The following MASP1 variants were observed in gnomAD, a reference collection of about 807,000 sequenced individuals.
MASP1 encodes the protein MBL associated serine protease 1, also known as mannan-binding lectin serine protease 1.
Under a neutral mutation model 77.1 loss-of-function variants are expected in MASP1, and 59 were observed. The ratio of observed to expected loss-of-function variants is 0.77; its 90% confidence interval spans 0.62 to 0.95. MASP1 has a LOEUF of 0.95. Among genes scored for constraint, MASP1 ranks in the 40% least tolerant of loss-of-function variants. MASP1 has a pLI of 0.00. For synonymous variants in MASP1, 362 were observed against 354.5 expected (o/e 1.02, Z -0.24); for missense variants, 885 against 912.9 (o/e 0.97, Z 0.39).
At chr3:187,253,403 C>T in intron 5 of MASP1, 88 bp from the exon 6 acceptor site, 3 of 1,378,208 alleles carry the variant, frequency 2.2e-6, no homozygotes, top group Non-Finnish European at 3.1e-6. Context: ...CTCCACTGCA[C>T]TCTGGGTTTT....
intron 13 of MASP1, chr3:187,225,259 A>G (rs778810702): frequency 3.2e-6 from 5 of 1,557,730 alleles, no homozygotes; most frequent in African/African-American, 1.4e-5. Context: ...AGCTTCACCA[A>G]CGTGAAGACG....
intron 2 of MASP1, among the ~76,000 whole-genome samples, chr3:187,275,364 C>T (rs552641716): frequency 1.6e-4 from 25 of 152,262 alleles, no homozygotes; most frequent in South Asian, 4.1e-4. Context: ...TGCCCAGGAC[C>T]TTGCCCTGAC....
rs180850038 is a variant in MASP1, at chr3:187,270,016, C to T, written c.238-7296G>A. Among the ~76,000 whole-genome samples the T allele has an allele frequency of 6.6e-5, 10 of 152,282 alleles. No individual in the cohort carries two copies. The East Asian group carries it at 1.7e-3, about 26-fold the overall frequency. On this transcript the variant is annotated intron_variant, in intron 2 of 10. Transcript: ENST00000296280. ...GCAAAGGACAAGAATTATTTTGTCC[C>T]TAAGATAGATAATAATACATTGTTT...
chr3:187,252,432 A>G (rs1714695398), intron 6 of MASP1, among the ~76,000 whole-genome samples: 1 of 152,132 alleles, frequency 6.6e-6, no homozygotes, highest in African/African-American at 2.4e-5. Flanking sequence ...TGAAAGGCTA[A>G]ATCTGACAGG....
At chr3:187,229,195 C>T (rs1186048425), downstream of MASP1, among the ~76,000 whole-genome samples, 1 of 152,208 alleles carries the variant, frequency 6.6e-6, no homozygotes, top group Non-Finnish European at 1.5e-5. Context: ...ACCCACATTC[C>T]ATTACAAAGG....
At chr3:187,270,163 G>A (rs1430307227) in intron 2 of MASP1, among the ~76,000 whole-genome samples, 1 of 152,184 alleles carries the variant, frequency 6.6e-6, no homozygotes, top group East Asian at 1.9e-4. Context: ...GTTAAAAGCA[G>A]TATACTATTT....
chr3:187,239,752 G>A (rs1341068807), intron 10 of MASP1, among the ~76,000 whole-genome samples: 3 of 152,172 alleles, frequency 2.0e-5, no homozygotes, highest in Non-Finnish European at 4.4e-5. Flanking sequence ...TGGGTGGGAT[G>A]AACATTCCCT....
intron 8 of MASP1, chr3:187,247,423 T>A (rs774176353): frequency 1.2e-6 from 2 of 1,612,810 alleles, no homozygotes. Context: ...GATCAAGAGA[T>A]ACAGAGGAAG....
At chr3:187,288,903 C>T (rs1289757197) in intron 1 of MASP1, among the ~76,000 whole-genome samples, 1 of 152,158 alleles carries the variant, frequency 6.6e-6, no homozygotes, top group East Asian at 1.9e-4. Flanking sequence ...TTGTTTGCAT[C>T]TCAAAACGGT....
At chr3:187,263,178 T>A (rs187267640) in intron 2 of MASP1, 15 of 216,946 alleles carry the variant, frequency 6.9e-5, no homozygotes, top group South Asian at 4.5e-4. Flanking sequence ...ATAGACACAG[T>A]GCTGTGCACA....
intron 11 of MASP1, among the ~76,000 whole-genome samples, chr3:187,227,744 C>T (rs138050641): frequency 7.2e-5 from 11 of 152,272 alleles, no homozygotes; most frequent in African/African-American, 2.6e-4. Flanking sequence ...ATCAGGTGGG[C>T]TGAGGTACCC....
At chr3:187,247,220 A>C (rs533203765) in intron 8 of MASP1, 4 of 1,576,980 alleles carry the variant, frequency 2.5e-6, no homozygotes, top group Non-Finnish European at 2.6e-6. Flanking sequence ...TCTAATCCAC[A>C]TGGAAAGGGG....
chr3:187,249,926 T>G (rs572758242), intron 8 of MASP1, among the ~76,000 whole-genome samples: 35 of 152,358 alleles, frequency 2.3e-4, no homozygotes, highest in African/African-American at 7.2e-4. Context: ...ACTAGTTTCC[T>G]GAATTAGCAA....
At chr3:187,271,619 A>C (rs962793321) in intron 2 of MASP1, among the ~76,000 whole-genome samples, 1 of 152,036 alleles carries the variant, frequency 6.6e-6, no homozygotes, top group Non-Finnish European at 1.5e-5. Context: ...AGTAACTGTT[A>C]GCAATGGTTA....
At chr3:187,225,415 C>T in exon 13 of MASP1, 3 of 1,614,224 alleles carry the variant, frequency 1.9e-6, no homozygotes, top group African/African-American at 1.3e-5. Context: ...CCACGTCATT[C>T]TCGAATGTGT....
At chr3:187,253,598 C>A (rs1267272489) in intron 5 of MASP1, among the ~76,000 whole-genome samples, 2 of 152,176 alleles carry the variant, frequency 1.3e-5, no homozygotes, top group African/African-American at 4.8e-5. Context: ...AACTCAAATG[C>A]CCATCAATGA....
At chr3:187,271,699 C>G (rs1716532927) in intron 2 of MASP1, among the ~76,000 whole-genome samples, 1 of 152,178 alleles carries the variant, frequency 6.6e-6, no homozygotes, top group Non-Finnish European at 1.5e-5. Context: ...CTCAAAGCTG[C>G]TTCCCTCTAG....
intron 2 of MASP1, among the ~76,000 whole-genome samples, chr3:187,273,003 C>T (rs1338033301): frequency 1.3e-5 from 2 of 151,992 alleles, no homozygotes; most frequent in Non-Finnish European, 2.9e-5. Context: ...AGAAAAGTGC[C>T]CGGGATACGT....
chr3:187,262,394 T>C (rs920736097), intron 3 of MASP1, 149 bp downstream of exon 3: 3 of 778,906 alleles, frequency 3.9e-6, no homozygotes, highest in Non-Finnish European at 6.8e-6. Flanking sequence ...GATGGATAGA[T>C]ACGTGATAGA....
Sources: allele counts gnomAD v4.1 joint callset (sites outside exome capture counted in the v4.1 genomes callset), GRCh38; gene constraint gnomAD v4.1.1; transcripts MANE v1.5; gene names NCBI Gene and HGNC (gene_info 2026-07-23, HGNC 2026-07-21).